Variants in ATG7 observed in about 807,000 individuals in gnomAD.
ATG7 encodes ubiquitin-like modifier-activating enzyme ATG7.
A neutral mutation model predicts 82.4 loss-of-function variants in ATG7; 70 were observed. The observed-to-expected ratio is 0.85, with a 90% CI of 0.70 to 1.04. The LOEUF (loss-of-function observed/expected upper bound fraction) is 1.04. Ranked by LOEUF, ATG7 falls within the 50% of genes least tolerant of loss-of-function variation. The pLI is 0.00. For synonymous variants in ATG7, 287 were observed against 313.0 expected, an observed-to-expected ratio of 0.92 and a Z score of 0.88; for missense variants, 792 against 864.3, an observed-to-expected ratio of 0.92 and a Z score of 1.05.
chr3:11,410,552 A>G (rs889674667), intron 19 of ATG7, among the ~76,000 whole-genome samples: 1 of 152,098 alleles, frequency 6.6e-6, no homozygotes, highest in African/African-American at 2.4e-5. Context: ...CTTTTCTTTT[A>G]TAGAACTGAA....
intron 20 of ATG7, among the ~76,000 whole-genome samples, chr3:11,502,020 A>T (rs188927595): frequency 9.4e-4 from 78 of 83,238 alleles, no homozygotes; most frequent in African/African-American, 3.4e-3. Context: ...AAATGGTAGT[A>T]AACATATATA....
At chr3:11,354,562 T>G (rs1484082049) in intron 14 of ATG7, among the ~76,000 whole-genome samples, 1 of 141,136 alleles carries the variant, frequency 7.1e-6, no homozygotes, top group Non-Finnish European at 1.5e-5. Flanking sequence ...GGCAGGAGAA[T>G]CGCTTGAACC....
chr3:11,475,006 A>T (rs1173374565), intron 20 of ATG7, among the ~76,000 whole-genome samples: 1 of 150,940 alleles, frequency 6.6e-6, no homozygotes, highest in Non-Finnish European at 1.5e-5. Flanking sequence ...TGTTTGAAGC[A>T]GGAGAGTAAC....
intron 18 of ATG7, among the ~76,000 whole-genome samples, chr3:11,370,172 A>G (rs1214142823): frequency 6.6e-6 from 1 of 151,244 alleles, no homozygotes; most frequent in Non-Finnish European, 1.5e-5. Context: ...ATTAAAATGG[A>G]AACTTATCCA....
intron 13 of ATG7, among the ~76,000 whole-genome samples, chr3:11,346,207 T>C (rs73127229): frequency 0.017 from 2,564 of 152,294 alleles, 70 homozygotes; most frequent in African/African-American, 0.058. Flanking sequence ...ATATGCCTTC[T>C]GATAGGATGA....
chr3:11,341,995 A>T, intron 12 of ATG7, 140 bp from the exon 13 acceptor site: 1 of 1,018,424 alleles, frequency 9.8e-7, no homozygotes, highest in African/African-American at 1.6e-5. Context: ...CTCCCTGCTT[A>T]CCCTCCAGTT....
chr3:11,361,508 C>T (rs1183049554), intron 16 of ATG7, among the ~76,000 whole-genome samples: 8 of 152,108 alleles, frequency 5.3e-5, no homozygotes, highest in Non-Finnish European at 1.2e-4. Context: ...TGGTCTCGAA[C>T]TCCTGACCTC....
intron 12 of ATG7, 96 bp downstream of exon 12, chr3:11,340,831 CA>C (rs2152773334): frequency 9.4e-7 from 1 of 1,059,978 alleles, no homozygotes; most frequent in Non-Finnish European, 1.4e-6. Flanking sequence ...TAATTCAGCC[CA>C]GGGGGTGCCA....
At chr3:11,524,814 A>C (rs7356051) in intron 20 of ATG7, among the ~76,000 whole-genome samples, 25,941 of 151,934 alleles carry the variant, frequency 0.17, 2,345 homozygotes, top group Middle Eastern at 0.24. Flanking sequence ...ACAAAAAAAA[A>C]CAAAACAGGC....
At chr3:11,528,140 T>C (rs1336488279) in intron 20 of ATG7, among the ~76,000 whole-genome samples, 1 of 152,238 alleles carries the variant, frequency 6.6e-6, no homozygotes, top group South Asian at 2.1e-4. Flanking sequence ...AAGTTCTGTT[T>C]ACTCTTCTGG....
At chr3:11,548,964 T>C (rs2071532123) in intron 20 of ATG7, among the ~76,000 whole-genome samples, 1 of 152,260 alleles carries the variant, frequency 6.6e-6, no homozygotes, top group Non-Finnish European at 1.5e-5. Flanking sequence ...TGGACTGCTC[T>C]GTGTGTCACC....
chr3:11,295,444 C>T (rs1945713874), intron 3 of ATG7, among the ~76,000 whole-genome samples: 1 of 152,032 alleles, frequency 6.6e-6, no homozygotes, highest in Admixed American at 6.6e-5. Context: ...AACAAACCAC[C>T]CATTAGGAAT....
chr3:11,421,194 G>A (rs969935997), intron 19 of ATG7, among the ~76,000 whole-genome samples: 3 of 152,206 alleles, frequency 2.0e-5, no homozygotes, highest in Non-Finnish European at 4.4e-5. Flanking sequence ...AGGTTGGGGT[G>A]GCTGTGGCAT....
intron 19 of ATG7, among the ~76,000 whole-genome samples, chr3:11,404,951 G>A (rs1045078416): frequency 9.2e-5 from 14 of 152,240 alleles, no homozygotes; most frequent in African/African-American, 2.9e-4. Flanking sequence ...TGAGATTTGG[G>A]TGGGGACACA....
intron 20 of ATG7, among the ~76,000 whole-genome samples, chr3:11,470,644 A>C (rs1183273403): frequency 6.6e-6 from 1 of 152,050 alleles, no homozygotes; most frequent in African/African-American, 2.4e-5. Flanking sequence ...ACAGATGGGG[A>C]AGTTGAGGCT....
intron 20 of ATG7, among the ~76,000 whole-genome samples, chr3:11,549,425 C>T (rs1365716597): frequency 2.0e-5 from 3 of 152,162 alleles, no homozygotes; most frequent in Non-Finnish European, 2.9e-5. Flanking sequence ...AACAGTAGTC[C>T]TGTGCTGTAT....
the ATG7 span, chr3:11,565,037 G>T: frequency 6.8e-7 from 1 of 1,467,860 alleles, no homozygotes. This position sits in a 1 kb window ranked among gnomAD's most constrained non-coding sequence, Gnocchi z 4.1. Flanking sequence ...AGAGGAATGG[G>T]CATTCAGGGG....
chr3:11,531,431 G>A (rs1280284335), intron 20 of ATG7, among the ~76,000 whole-genome samples: 1 of 152,164 alleles, frequency 6.6e-6, no homozygotes, highest in South Asian at 2.1e-4. Context: ...CCTTCCTGAG[G>A]TCCCACCACC....
chr3:11,358,649 G>T (rs770380700), intron 15 of ATG7, 37 bp downstream of exon 15: 1 of 1,593,162 alleles, frequency 6.3e-7, no homozygotes, highest in South Asian at 1.1e-5. Context: ...ATGATTTAAT[G>T]CACCACCACT....
Sources: allele counts gnomAD v4.1 joint callset (sites outside exome capture counted in the v4.1 genomes callset), GRCh38; gene constraint gnomAD v4.1.1; non-coding constraint Gnocchi (gnomAD v3.1); transcripts MANE v1.5; gene names NCBI Gene and HGNC (gene_info 2026-07-23, HGNC 2026-07-21).